Variants in MROH7 observed in about 807,000 individuals in gnomAD.
MROH7 encodes maestro heat like repeat family member 7, also known as maestro heat-like repeat-containing protein family member 7.
In MROH7, 113 loss-of-function variants were observed where a neutral mutation model predicts 129.2. That is an observed-to-expected ratio of 0.87 (90% CI 0.75 to 1.02). The LOEUF (loss-of-function observed/expected upper bound fraction) is 1.02. Among genes scored for constraint, MROH7 ranks in the 50% least tolerant of loss-of-function variants. The pLI is 0.00. For missense variants in MROH7, 1,601 were observed against 1,671.3 expected, an observed-to-expected ratio of 0.96 and a Z score of 0.73; for synonymous variants, 655 against 667.9, an observed-to-expected ratio of 0.98 and a Z score of 0.30.
At chr1:54,648,440 A>G (rs1394642920) in intron 1 of MROH7, among the ~76,000 whole-genome samples, 2 of 151,820 alleles carry the variant, frequency 1.3e-5, no homozygotes, top group Non-Finnish European at 2.9e-5. Flanking sequence ...ATCTCGGCTC[A>G]CTGCAACCTC....
rs1553169309 is a variant in MROH7 at position 54,653,833 on chromosome 1, G to GGCTCCAGCTATGGTATCAGCCTGC, written c.908_931dup (p.Leu310_His311insArgSerSerTyrGlyIleSerLeu). The GGCTCCAGCTATGGTATCAGCCTGC allele has an allele frequency of 6.2e-7, 1 of 1,613,912 alleles. No homozygotes were observed. The highest frequency in any genetic ancestry group is 1.3e-5 in the African/African-American group (1 of 74,870). ...AGCCTCGTATGTGACCCTGATTCCT[G>GGCTCCAGCTATGGTATCAGCCTGC]GCTCCAGCTATGGTATCAGCCTGCA... On this transcript the variant is annotated inframe_insertion, in exon 3 of 24. Coordinates refer to ENST00000421030, the MANE Select transcript of MROH7 (RefSeq NM_001039464.4).
intron 17 of MROH7, chr1:54,697,998 T>G: frequency 3.1e-6 from 1 of 317,732 alleles, no homozygotes; most frequent in Non-Finnish European, 5.8e-6. Flanking sequence ...GTTCAGTCTT[T>G]TCCACCTCCC....
intron 10 of MROH7, among the ~76,000 whole-genome samples, chr1:54,676,345 C>G (rs996642171): frequency 1.3e-5 from 2 of 152,114 alleles, no homozygotes; most frequent in Admixed American, 1.3e-4. Flanking sequence ...TCAGGTGATC[C>G]TCCCACCTCA....
intron 3 of MROH7, among the ~76,000 whole-genome samples, chr1:54,658,729 T>C (rs948507790): frequency 1.2e-4 from 19 of 152,200 alleles, no homozygotes; most frequent in Non-Finnish European, 2.6e-4. Flanking sequence ...GGGCTAGATT[T>C]CTCAACTTTG....
intron 7 of MROH7, among the ~76,000 whole-genome samples, chr1:54,671,896 T>C (rs1166228589): frequency 6.6e-6 from 1 of 151,484 alleles, no homozygotes; most frequent in Admixed American, 6.6e-5. Flanking sequence ...CAGAAGTACT[T>C]GGTGCTATAA....
chr1:54,678,354 A>C (rs973308536), intron 10 of MROH7, among the ~76,000 whole-genome samples: 2 of 152,264 alleles, frequency 1.3e-5, no homozygotes, highest in East Asian at 3.8e-4. Context: ...GAAATTATAC[A>C]GCACTGAGAA....
chr1:54,670,890 G>C lies in MROH7; in HGVS notation c.1560G>C (p.Ala520=), dbSNP rs754401422. ...TGTTCTCCCTGCCCTCCGTGCAGGC[G>C]ATGCAGGAGAAGGACGAGGCCAAGG... ...HSVFSLPSVQ[A]MQEKDEAKAE... is the part of the protein sequence containing the mutation. The change falls in exon 7 of 24, where the codon GCG becomes GCC. Residue 520 remains alanine (A), a synonymous_variant. Coordinates refer to ENST00000421030, the MANE Select transcript of MROH7 (RefSeq NM_001039464.4). 3.1e-6 allele frequency: 5 copies of C among 1,611,552 alleles called. No individual in the cohort carries two copies. Among genetic ancestry groups the C allele is most frequent in the Non-Finnish European group, 4.2e-6 (5 of 1,179,102 alleles).
intron 1 of MROH7, among the ~76,000 whole-genome samples, chr1:54,646,385 T>G (rs1644467923): frequency 2.0e-5 from 3 of 152,198 alleles, no homozygotes; most frequent in African/African-American, 7.2e-5. Context: ...GAGTGTGTGT[T>G]TATGCTGTCG....
intron 1 of MROH7, among the ~76,000 whole-genome samples, chr1:54,650,750 G>A (rs1397292902): frequency 5.3e-5 from 8 of 149,698 alleles, no homozygotes; most frequent in Non-Finnish European, 8.9e-5. Flanking sequence ...TTGAGACAGG[G>A]TATCACTTTG....
chr1:54,686,512 G>A (rs1280145127), intron 15 of MROH7, 64 bp downstream of exon 15: 21 of 1,474,886 alleles, frequency 1.4e-5, no homozygotes, highest in Non-Finnish European at 1.9e-5. Flanking sequence ...TCCAGTCAGA[G>A]CCTCCAAAAG....
chr1:54,695,314 C>T (rs1327901882), intron 16 of MROH7, 62 bp from the exon 17 acceptor site: 5 of 862,272 alleles, frequency 5.8e-6, no homozygotes, highest in East Asian at 2.7e-5. Context: ...CAAGCAAATC[C>T]CCCCCACAGG....
chr1:54,697,739 G>A (rs1429288367), intron 17 of MROH7: 2 of 700,096 alleles, frequency 2.9e-6, no homozygotes, highest in South Asian at 3.0e-5. Flanking sequence ...AGAGTCCAGA[G>A]AGATTCAGAA....
intron 15 of MROH7, among the ~76,000 whole-genome samples, chr1:54,690,442 T>A (rs1645215477): frequency 6.6e-6 from 1 of 151,614 alleles, no homozygotes; most frequent in African/African-American, 2.4e-5. Context: ...TCAGAAGTTT[T>A]TTTTTTTTTC....
intron 13 of MROH7, among the ~76,000 whole-genome samples, chr1:54,680,342 C>T (rs1645050068): frequency 6.6e-6 from 1 of 152,294 alleles, no homozygotes; most frequent in South Asian, 2.1e-4. Flanking sequence ...GAACGGAGGA[C>T]CTAAACTCAG....
At chr1:54,680,088 T>C in intron 13 of MROH7, 43 bp downstream of exon 13, 1 of 1,592,974 alleles carries the variant, frequency 6.3e-7, no homozygotes, top group Non-Finnish European at 8.6e-7. Flanking sequence ...CTTACAGGGT[T>C]CAAGCAGCCC....
Position 54,665,220 on chromosome 1 carries a change from G to A in MROH7, c.1285G>A (p.Gly429Ser), listed in dbSNP as rs377527312. The change falls in exon 4 of 24, where the codon GGT becomes AGT. Residue 429 changes from glycine (G) to serine (S), a missense_variant. Physicochemically the swap from Gly to Ser is moderately conservative, Grantham distance 56 (BLOSUM62 0). Transcript: ENST00000421030. Reference sequence around the variant, plus strand: ...GGTGAAGGTGCCAGAGAAGACAGAAGGTGGCAACAACATGGCTCTGGTATG... The same window carrying A: ...GGTGAAGGTGCCAGAGAAGACAGAAAGTGGCAACAACATGGCTCTGGTATG... ...CLVKVPEKTE[G>S]GNNMALVENV... The A allele has an allele frequency of 1.2e-6, 2 of 1,613,848 alleles. No homozygotes were observed. The highest frequency in any genetic ancestry group is 3.3e-5 in the Admixed American group (2 of 59,992).
intron 3 of MROH7, chr1:54,664,016 C>T: frequency 3.2e-6 from 1 of 308,956 alleles, no homozygotes; most frequent in East Asian, 9.0e-5. Flanking sequence ...TTGGTGTTCC[C>T]CTCAACTCCC....
chr1:54,694,636 T>C (rs1264389736), intron 16 of MROH7, among the ~76,000 whole-genome samples: 1 of 152,050 alleles, frequency 6.6e-6, no homozygotes, highest in East Asian at 1.9e-4. Flanking sequence ...CCAGTCAATT[T>C]TTTTTGTATT....
intron 16 of MROH7, among the ~76,000 whole-genome samples, chr1:54,692,850 A>G (rs1160306664): frequency 1.3e-5 from 2 of 152,212 alleles, no homozygotes; most frequent in Non-Finnish European, 2.9e-5. Context: ...CAAAACAGAA[A>G]TGGTGGTATA....
Sources: gnomAD v4.1 joint callset for allele counts (sites outside exome capture counted in the v4.1 genomes callset) on GRCh38, gnomAD v4.1.1 for gene constraint, MANE v1.5 for transcripts, NCBI Gene and HGNC (gene_info 2026-07-23, HGNC 2026-07-21) for gene names.